Variants in FAM25A observed in about 807,000 individuals in gnomAD.
The protein encoded by FAM25A is family with sequence similarity 25 member A.
Under a neutral mutation model 6.6 loss-of-function variants are expected in FAM25A, and 5 were observed. The ratio of observed to expected loss-of-function variants is 0.75; its 90% CI spans 0.39 to 1.59. The LOEUF is 1.59. FAM25A is among the 40% of genes most tolerant of loss of function. The pLI is 0.02. For missense variants in FAM25A, 93 were observed against 109.7 expected, an observed-to-expected ratio of 0.85 and a Z score of 0.68; for synonymous variants, 36 against 41.3, an observed-to-expected ratio of 0.87 and a Z score of 0.49.
At chr10:87,024,132 C>T (rs562375635) in intron 2 of FAM25A, among the ~76,000 whole-genome samples, 1 of 146,042 alleles carries the variant, frequency 6.8e-6, no homozygotes, top group South Asian at 2.2e-4. Context: ...GTAAATTTGA[C>T]AATCCAAAAC....
chr10:87,021,315 G>C (rs1221057553), intron 1 of FAM25A, among the ~76,000 whole-genome samples: 1 of 152,198 alleles, frequency 6.6e-6, no homozygotes, highest in African/African-American at 2.4e-5. Context: ...CCTTTCACTA[G>C]CCTCTGAGTT....
chr10:87,023,951 C>T (rs974455651), intron 2 of FAM25A, among the ~76,000 whole-genome samples: 5 of 152,038 alleles, frequency 3.3e-5, no homozygotes, highest in African/African-American at 1.2e-4. Flanking sequence ...AAGGCCCCAC[C>T]TCTTAATATC....
At chr10:87,021,638 G>A (rs955648563) in intron 1 of FAM25A, among the ~76,000 whole-genome samples, 9 of 152,060 alleles carry the variant, frequency 5.9e-5, no homozygotes, top group Admixed American at 3.3e-4. Context: ...TGGACTTGCC[G>A]CCCCCGCGAC....
In FAM25A at chr10:87,024,597, A is replaced by G. The variant is rs1589338954; in HGVS notation, c.193A>G (p.Ile65Val). 6 of 1,535,782 alleles carry G rather than the reference A, an allele frequency of 3.9e-6. No individual in the cohort carries two copies. The African/African-American group carries it at 4.1e-5, about 11-fold the overall frequency. Residue 65 changes from isoleucine to valine, a missense_variant, in exon 3 of 3, where the codon ATC becomes GTC. Coordinates refer to ENST00000343959, the MANE Select transcript of FAM25A (RefSeq NM_001146157.3). ...GTCAGGGGACAAAAAGATGAAGGAA[A>G]TCACTGAGACAGTGACCAACACAGT... ...QESGDKKMKE[I>V]TETVTNTVTN...
At chr10:87,020,833 TTATTTG>T (rs1361329746) in intron 1 of FAM25A, among the ~76,000 whole-genome samples, 2 of 152,182 alleles carry the variant, frequency 1.3e-5, no homozygotes, top group Non-Finnish European at 2.9e-5. Context: ...ATTTTTATTT[TTATTTG>T]TATTTGAAAT....
At chr10:87,021,190 C>T (rs1300677956) in intron 1 of FAM25A, among the ~76,000 whole-genome samples, 1 of 152,222 alleles carries the variant, frequency 6.6e-6, no homozygotes, top group Non-Finnish European at 1.5e-5. Context: ...CCAGGAGCCA[C>T]TCATGGGTCA....
rs1845359034 is a variant in FAM25A, at chr10:87,024,457, A to T, written c.137-84A>T. 5 of 1,533,180 alleles carry T rather than the reference A, an allele frequency of 3.3e-6. No homozygotes were observed. The South Asian group carries it at 6.0e-5, about 18-fold the overall frequency. 95.0% of individuals were successfully genotyped at this position (1,533,180 alleles called of 1,614,324 possible). The stretch of plus-strand genomic sequence containing the variant: ...CCACTCCAGAGACTAATCCATTAAG[A>T]TGGCCACATCCCACAGGCCACTCAA... On this transcript the variant is annotated intron_variant, in intron 2 of 2. Transcript: ENST00000343959.
At position 87,021,034 on chromosome 10, in the gene FAM25A, G is replaced by A. The variant is rs1479571220; in HGVS notation, c.73+637G>A. On this transcript the variant is annotated intron_variant, in intron 1 of 2. Coordinates refer to ENST00000343959, the MANE Select transcript of FAM25A (RefSeq NM_001146157.3). ...GCAGAGACAGGGTTTCGCCATGTTG[G>A]CCAGGCTGGTCTCAAACTCCTGACC... Among the ~76,000 whole-genome samples the A allele has an allele frequency of 4.6e-5, 7 of 152,254 alleles. No individual in the cohort carries two copies. The South Asian group carries it at 1.2e-3, about 27-fold the overall frequency.
At chr10:87,023,823 T>C (rs535831711) in intron 2 of FAM25A, among the ~76,000 whole-genome samples, 2 of 152,150 alleles carry the variant, frequency 1.3e-5, no homozygotes, top group African/African-American at 2.4e-5. Context: ...ACTGGCAGAT[T>C]TGGCATCTGG....
At chr10:87,020,526 C>T in intron 1 of FAM25A, 129 bp downstream of exon 1, 2 of 1,231,984 alleles carry the variant, frequency 1.6e-6, no homozygotes, top group Non-Finnish European at 2.2e-6. Context: ...ACCCTGGTCC[C>T]CTGCTCTACC....
At chr10:87,021,989 G>A (rs1271013037) in intron 1 of FAM25A, among the ~76,000 whole-genome samples, 1 of 152,256 alleles carries the variant, frequency 6.6e-6, no homozygotes, top group African/African-American at 2.4e-5. Context: ...TTCCAGGCCG[G>A]GCAGGGCCAA....
At chr10:87,023,051 C>T (rs1396914710) in intron 2 of FAM25A, among the ~76,000 whole-genome samples, 46 of 150,948 alleles carry the variant, frequency 3.0e-4, no homozygotes, top group Non-Finnish European at 6.8e-4. Context: ...GAAACCCCAT[C>T]TCTACTAAAA....
At chr10:87,022,770 CAT>C (rs1845341898) in intron 2 of FAM25A, among the ~76,000 whole-genome samples, 1 of 150,342 alleles carries the variant, frequency 6.7e-6, no homozygotes, top group Non-Finnish European at 1.5e-5. Context: ...ACTAAAAATA[CAT>C]AAAAATTAGC....
chr10:87,022,660 C>A (rs1363721678), intron 2 of FAM25A, among the ~76,000 whole-genome samples: 4 of 152,238 alleles, frequency 2.6e-5, no homozygotes, highest in African/African-American at 9.6e-5. Context: ...GGCGCGGTGG[C>A]TCACGCCTGT....
At chr10:87,022,414 G>A (rs1456546128) in intron 2 of FAM25A, 38 bp downstream of exon 2, 1 of 1,496,898 alleles carries the variant, frequency 6.7e-7, no homozygotes, top group Non-Finnish European at 9.1e-7. Context: ...AGGAGGGAGG[G>A]AGCAAGGGAA....
chr10:87,020,815 G>A (rs1277570360), intron 1 of FAM25A, among the ~76,000 whole-genome samples: 1 of 152,156 alleles, frequency 6.6e-6, no homozygotes, highest in African/African-American at 2.4e-5. Context: ...GTCCCCTGAA[G>A]CATGTTTATT....
intron 1 of FAM25A, among the ~76,000 whole-genome samples, chr10:87,020,673 C>T (rs1313451329): frequency 3.3e-5 from 5 of 152,128 alleles, no homozygotes; most frequent in African/African-American, 1.2e-4. Flanking sequence ...TCAAAACAGC[C>T]TATTCTGAAT....
Position 87,024,659 on chromosome 10 carries a change from C to G in FAM25A, c.255C>G (p.Asp85Glu). 3.3e-6 allele frequency: 5 copies of G among 1,535,806 alleles called. No individual in the cohort carries two copies. Among genetic ancestry groups the G allele is most frequent in the Non-Finnish European group, 4.4e-6 (5 of 1,146,902 alleles). Residue 85 changes from aspartate to glutamate, a missense_variant, in exon 3 of 3, where the codon GAC becomes GAG. Physicochemically the swap from Asp to Glu is conservative, Grantham distance 45. Transcript: ENST00000343959. Reference sequence around the variant, plus strand: ...TCACCCATGCAGCAGAGAGTCTGGACAAACTTGGACAGTGAGTGCACCTGC... The same window carrying G: ...TCACCCATGCAGCAGAGAGTCTGGAGAAACTTGGACAGTGAGTGCACCTGC... The part of the protein sequence containing the change: ...NAITHAAESL[D>E]KLGQ
rs182406779 is a variant in FAM25A at position 87,024,103 on chromosome 10, G to T, written c.137-438G>T. Among the ~76,000 whole-genome samples the T allele has an allele frequency of 2.9e-3, 444 of 151,012 alleles. 3 individuals are homozygous for T. Among genetic ancestry groups the T allele is most frequent in the African/African-American group, 0.01 (421 of 41,110 alleles). On this transcript the variant is annotated intron_variant, in intron 2 of 2. Transcript: ENST00000343959. ...TTAGAACCATGACAAAAAAATCAGC[G>T]CCATAAAGGAAATATTAAGTAAATT...
Sources: gnomAD v4.1 joint callset for allele counts (sites outside exome capture counted in the v4.1 genomes callset) on GRCh38, gnomAD v4.1.1 for gene constraint, MANE v1.5 for transcripts, NCBI Gene and HGNC (gene_info 2026-07-23, HGNC 2026-07-21) for gene names.